WWOX: variants seen among roughly 807,000 people sequenced by gnomAD.
WWOX encodes WW domain-containing oxidoreductase.
In WWOX, 69 loss-of-function variants were observed where a neutral mutation model predicts 46.2. The ratio of observed to expected loss-of-function variants is 1.49; its 90% CI spans 1.23 to 1.82. WWOX has a LOEUF of 1.82. Ranked by LOEUF, WWOX falls within the 40% of genes most tolerant of loss-of-function variation. The pLI is 0.00. For missense variants in WWOX, 919 were observed against 542.6 expected (o/e 1.69, Z -6.89); for synonymous variants, 359 against 202.6 (o/e 1.77, Z -6.56).
chr16:78,971,433 T>TGAAA (rs1246985095), intron 8 of WWOX, among the ~76,000 whole-genome samples: 2 of 55,412 alleles, frequency 3.6e-5, no homozygotes, highest in Admixed American at 2.3e-4. Context: ...CCAGTCTGGG[T>TGAAA]GACAGACTCT....
chr16:78,963,311 T>TA (rs36121729), intron 8 of WWOX, among the ~76,000 whole-genome samples: 9,784 of 151,694 alleles, frequency 0.064, 423 homozygotes, highest in Non-Finnish European at 0.097. Context: ...TCTTCAAAAA[T>TA]AAAAAAAATT....
intron 8 of WWOX, among the ~76,000 whole-genome samples, chr16:78,573,557 G>A (rs532380689): frequency 6.6e-6 from 1 of 152,104 alleles, no homozygotes; most frequent in Admixed American, 6.5e-5. Context: ...TGGCTCCCTG[G>A]GCCCTCTGGG....
intron 8 of WWOX, among the ~76,000 whole-genome samples, chr16:79,179,384 C>T (rs1249576480): frequency 6.6e-6 from 1 of 152,186 alleles, no homozygotes; most frequent in Non-Finnish European, 1.5e-5. Flanking sequence ...TTCTTGGGTA[C>T]ACTTTCCACC....
chr16:78,103,001 C>G (rs960136367), intron 1 of WWOX, among the ~76,000 whole-genome samples: 26 of 151,570 alleles, frequency 1.7e-4, no homozygotes, highest in Admixed American at 1.5e-3. Context: ...CCACTCAGCC[C>G]CAGAGGTGCT....
intron 8 of WWOX, among the ~76,000 whole-genome samples, chr16:79,173,145 G>C (rs1238970483): frequency 6.6e-6 from 1 of 152,176 alleles, no homozygotes; most frequent in Non-Finnish European, 1.5e-5. Flanking sequence ...ACACATGTGT[G>C]CCCATGTCTC....
At chr16:78,513,718 G>C in intron 8 of WWOX, among the ~76,000 whole-genome samples, 1 of 152,156 alleles carries the variant, frequency 6.6e-6, no homozygotes, top group East Asian at 1.9e-4. Context: ...ATACTTATCA[G>C]AGCCTTTGTA....
At chr16:78,534,860 C>T (rs753984201) in intron 8 of WWOX, among the ~76,000 whole-genome samples, 4 of 151,966 alleles carry the variant, frequency 2.6e-5, no homozygotes, top group Non-Finnish European at 5.9e-5. Flanking sequence ...ACTACAGGTG[C>T]GCGCTATCAT....
At chr16:78,386,642 C>T (rs1436834365) in intron 5 of WWOX, among the ~76,000 whole-genome samples, 4 of 148,942 alleles carry the variant, frequency 2.7e-5, no homozygotes, top group African/African-American at 5.0e-5. Context: ...CCCCACCCCC[C>T]AGCCTGTAGG....
chr16:78,758,400 G>T (rs1224817471), intron 8 of WWOX, among the ~76,000 whole-genome samples: 1 of 152,186 alleles, frequency 6.6e-6, no homozygotes, highest in Non-Finnish European at 1.5e-5. Flanking sequence ...TAATAACTAT[G>T]TCACCAAAAT....
intron 8 of WWOX, among the ~76,000 whole-genome samples, chr16:79,002,145 G>A (rs1291044389): frequency 2.0e-5 from 3 of 148,286 alleles, no homozygotes; most frequent in African/African-American, 7.5e-5. Flanking sequence ...TAATGCAAGT[G>A]TATCGACGTG....
chr16:79,006,862 C>T (rs756407143), intron 8 of WWOX, among the ~76,000 whole-genome samples: 1 of 152,172 alleles, frequency 6.6e-6, no homozygotes, highest in East Asian at 1.9e-4. Flanking sequence ...TCTTCAGATT[C>T]CCTCTTCCGC....
chr16:78,639,396 T>C (rs1367994238), intron 8 of WWOX, among the ~76,000 whole-genome samples: 1 of 152,114 alleles, frequency 6.6e-6, no homozygotes, highest in African/African-American at 2.4e-5. Context: ...CTCAGAATTA[T>C]TCTCTCACTT....
chr16:78,579,404 A>G (rs1456440004), intron 8 of WWOX, among the ~76,000 whole-genome samples: 1 of 152,160 alleles, frequency 6.6e-6, no homozygotes, highest in South Asian at 2.1e-4. Flanking sequence ...AACTGAGTTC[A>G]CCAGGCAAAC....
At position 78,482,930 on chromosome 16, in the gene WWOX, G is replaced by A. The variant is rs575424128; in HGVS notation, c.1056+50178G>A. Among the ~76,000 whole-genome samples, 3 of 152,234 alleles carry A rather than the reference G, an allele frequency of 2.0e-5. No homozygotes were observed. The South Asian group carries it at 6.2e-4, about 32-fold the overall frequency. On this transcript the variant is annotated intron_variant, in intron 8 of 8. Coordinates refer to ENST00000566780, the MANE Select transcript of WWOX (RefSeq NM_016373.4). ...GAAAAAGAAACAGTCATTCATATCTGTTCGTAGAAGTGGGCGTCAAGATTT... is the reference window on the plus strand; with the variant it reads ...GAAAAAGAAACAGTCATTCATATCTATTCGTAGAAGTGGGCGTCAAGATTT...
chr16:78,497,923 C>T (rs1243946583), intron 8 of WWOX, among the ~76,000 whole-genome samples: 2 of 151,696 alleles, frequency 1.3e-5, no homozygotes, highest in Non-Finnish European at 2.9e-5. Flanking sequence ...CATCAGGGGG[C>T]TGGGAGCAGT....
intron 8 of WWOX, among the ~76,000 whole-genome samples, chr16:78,692,844 C>A (rs963624849): frequency 6.6e-5 from 10 of 152,156 alleles, no homozygotes; most frequent in African/African-American, 2.4e-5. Flanking sequence ...AAAGAGACAA[C>A]TGTTTTTGGT....
chr16:78,748,840 T>C (rs2049411192), intron 8 of WWOX, among the ~76,000 whole-genome samples: 1 of 152,216 alleles, frequency 6.6e-6, no homozygotes, highest in Non-Finnish European at 1.5e-5. Flanking sequence ...TGTAAAGCCA[T>C]ATATCTTAAG....
In WWOX at chr16:79,111,026, G is replaced by T. The variant is rs114650600; in HGVS notation, c.1057-100582G>T. 1,203 of 152,298 alleles carry T rather than the reference G, an allele frequency of 7.9e-3. 12 individuals are homozygous for T. Among genetic ancestry groups the T allele is most frequent in the African/African-American group, 0.027 (1,121 of 41,562 alleles). 9.4% of individuals were successfully genotyped at this position (152,298 alleles called of 1,614,324 possible). ...CATAGTAGGTTCTCAGCAAGTATTT[G>T]TAGATGTAATCGACCAGCAGAGATC... On this transcript the variant is annotated intron_variant, in intron 8 of 8. Transcript: ENST00000566780.
At chr16:78,354,444 T>C (rs2081244580) in intron 5 of WWOX, among the ~76,000 whole-genome samples, 1 of 151,800 alleles carries the variant, frequency 6.6e-6, no homozygotes, top group Non-Finnish European at 1.5e-5. Flanking sequence ...GTTAATCCGC[T>C]CATTACTGCA....
Sources: gnomAD v4.1 joint callset for allele counts (sites outside exome capture counted in the v4.1 genomes callset) on GRCh38, gnomAD v4.1.1 for gene constraint, MANE v1.5 for transcripts, NCBI Gene and HGNC (gene_info 2026-07-23, HGNC 2026-07-21) for gene names.